DAB1: variants seen among roughly 807,000 people sequenced by gnomAD.
DAB1 encodes the protein disabled homolog 1.
Under a neutral mutation model 64.6 loss-of-function variants are expected in DAB1, and 15 were observed. That is an observed-to-expected ratio of 0.23 (90% CI 0.16 to 0.36). The LOEUF (loss-of-function observed/expected upper bound fraction) is 0.36, where lower values mean the gene tolerates loss of function less well. Among genes scored for constraint, DAB1 ranks in the 10% least tolerant of loss-of-function variants. The pLI, the probability that DAB1 is intolerant of heterozygous loss-of-function variation, is 1.00. For synonymous variants in DAB1, 235 were observed against 251.9 expected (o/e 0.93, Z 0.64); for missense variants, 596 against 706.7 (o/e 0.84, Z 1.78).
intron 1 of DAB1, among the ~76,000 whole-genome samples, chr1:57,397,277 T>C (rs17425189): frequency 0.12 from 18,655 of 152,198 alleles, 1,458 homozygotes; most frequent in Non-Finnish European, 0.18. Context: ...CATTCCACAT[T>C]TCCACATGAC....
At chr1:57,547,448 T>C (rs1301860026) in intron 7 of DAB1, among the ~76,000 whole-genome samples, 1 of 152,218 alleles carries the variant, frequency 6.6e-6, no homozygotes, top group Non-Finnish European at 1.5e-5. Context: ...CTTAATTTAG[T>C]AATTTCACTT....
At chr1:57,821,569 T>C (rs1652122823), downstream of DAB1, among the ~76,000 whole-genome samples, 2 of 152,204 alleles carry the variant, frequency 1.3e-5, no homozygotes, top group Non-Finnish European at 2.9e-5. Flanking sequence ...AGGAACAGAT[T>C]CCTTAGGCAG....
chr1:58,454,673 C>A (rs1645173238), intron 3 of DAB1, among the ~76,000 whole-genome samples: 1 of 152,176 alleles, frequency 6.6e-6, no homozygotes, highest in Non-Finnish European at 1.5e-5. Context: ...CCTCCCTCCT[C>A]ACCCAGGGCT....
intron 5 of DAB1, among the ~76,000 whole-genome samples, chr1:58,031,302 G>C (rs60215368): frequency 1.1e-3 from 175 of 152,298 alleles, no homozygotes; most frequent in African/African-American, 4.0e-3. Context: ...TATGTGGGGA[G>C]AGTTTTGAAT....
At chr1:57,061,135 G>T (rs1327209069) in intron 9 of DAB1, among the ~76,000 whole-genome samples, 3 of 150,236 alleles carry the variant, frequency 2.0e-5, no homozygotes, top group Admixed American at 2.0e-4. Context: ...ACAGAATAGG[G>T]TCCCTAGACT....
intron 6 of DAB1, among the ~76,000 whole-genome samples, chr1:57,684,252 A>C (rs1292835450): frequency 6.6e-6 from 1 of 152,162 alleles, no homozygotes; most frequent in Admixed American, 6.6e-5. Flanking sequence ...GTTGACATTC[A>C]AATTCAAGAA....
At chr1:57,951,263 G>A (rs2100236881) in intron 5 of DAB1, among the ~76,000 whole-genome samples, 1 of 143,938 alleles carries the variant, frequency 6.9e-6, no homozygotes. Context: ...GGGGTGAGGG[G>A]GGTAGTCTTT....
At chr1:57,926,446 A>G in intron 5 of DAB1, among the ~76,000 whole-genome samples, 1 of 152,132 alleles carries the variant, frequency 6.6e-6, no homozygotes, top group South Asian at 2.1e-4. Flanking sequence ...CCAAAGTGGG[A>G]AAAAAAACAG....
chr1:57,855,745 C>T (rs1340989434), intron 1 of DAB1, among the ~76,000 whole-genome samples: 1 of 152,088 alleles, frequency 6.6e-6, no homozygotes, highest in African/African-American at 2.4e-5. Flanking sequence ...TCTTGTAGGG[C>T]CAGCACAGCA....
At chr1:58,287,618 G>T (rs531191242) in intron 4 of DAB1, among the ~76,000 whole-genome samples, 1 of 152,134 alleles carries the variant, frequency 6.6e-6, no homozygotes, top group South Asian at 2.1e-4. Flanking sequence ...GCCTCAAGGG[G>T]CCTAATCAGG....
intron 5 of DAB1, among the ~76,000 whole-genome samples, chr1:58,105,206 T>C (rs771407048): frequency 4.6e-5 from 7 of 152,240 alleles, no homozygotes; most frequent in African/African-American, 1.7e-4. Flanking sequence ...GTTCCTCGTT[T>C]TGGTGGTTAG....
At chr1:57,877,121 C>A (rs1644060113) in intron 1 of DAB1, among the ~76,000 whole-genome samples, 1 of 152,042 alleles carries the variant, frequency 6.6e-6, no homozygotes, top group African/African-American at 2.4e-5. Context: ...CACAGTGATA[C>A]TATAAGGAAG....
chr1:58,124,777 T>C (rs958337969), intron 5 of DAB1, among the ~76,000 whole-genome samples: 3 of 152,230 alleles, frequency 2.0e-5, no homozygotes, highest in Admixed American at 6.5e-5. Context: ...TTTCCTTATA[T>C]ATAAAACAAG....
At chr1:57,150,026 G>C (rs1336461970) in intron 2 of DAB1, among the ~76,000 whole-genome samples, 2 of 152,124 alleles carry the variant, frequency 1.3e-5, no homozygotes, top group Admixed American at 1.3e-4. Context: ...TTCTCCCACT[G>C]AGAGACAATA....
At chr1:57,395,366 G>A (rs11207027) in intron 1 of DAB1, among the ~76,000 whole-genome samples, 54,478 of 151,880 alleles carry the variant, frequency 0.36, 10,229 homozygotes, top group Non-Finnish European at 0.42. Context: ...CTTGGCACCC[G>A]GGGAGACCAC....
rs1343550510 is a variant in DAB1, at chr1:58,174,041, G to A, written n.310-23453C>T. ...TAACAAAACCTATCCTGACTCTACA[G>A]TCCCAAATAGACTCTTTGGCAGCAG... On this transcript the variant is annotated intron_variant and non_coding_transcript_variant, in intron 4 of 20. Coordinates refer to the DAB1 transcript ENST00000485760. Among the ~76,000 whole-genome samples, 3 of 152,132 alleles carry A rather than the reference G, an allele frequency of 2.0e-5. No individual in the cohort carries two copies. In the East Asian group the frequency reaches 5.8e-4, roughly 29 times the overall value.
chr1:58,211,574 G>C (rs1658551525), intron 4 of DAB1, among the ~76,000 whole-genome samples: 1 of 152,088 alleles, frequency 6.6e-6, no homozygotes, highest in South Asian at 2.1e-4. Context: ...TTAATACAAA[G>C]AAGTGAGAAA....
chr1:57,867,591 C>T (rs560324099), intron 1 of DAB1: 1 of 152,250 alleles, frequency 6.6e-6, no homozygotes, highest in African/African-American at 2.4e-5. Flanking sequence ...CTGACATCAT[C>T]ATCTACAATT....
At chr1:58,160,785 C>A (rs1327486773) in intron 4 of DAB1, among the ~76,000 whole-genome samples, 6 of 152,246 alleles carry the variant, frequency 3.9e-5, no homozygotes, top group African/African-American at 1.4e-4. Flanking sequence ...AGCCTCTTTA[C>A]AATAAAGCAT....
Sources: allele counts gnomAD v4.1 joint callset (sites outside exome capture counted in the v4.1 genomes callset), GRCh38; gene constraint gnomAD v4.1.1; transcripts MANE v1.5; gene names NCBI Gene and HGNC (gene_info 2026-07-23, HGNC 2026-07-21).